PLXDC1: variants seen among roughly 807,000 people sequenced by gnomAD.
PLXDC1 encodes plexin domain containing 1.
PLXDC1 carries 39 observed loss-of-function variants against 61.3 expected under a neutral mutation model. The ratio of observed to expected loss-of-function variants is 0.64; its 90% CI spans 0.49 to 0.83. The LOEUF (loss-of-function observed/expected upper bound fraction) is 0.83. PLXDC1 is among the 40% of genes least tolerant of loss of function. The pLI is 0.00. For missense variants in PLXDC1, 596 were observed against 666.5 expected (o/e 0.89, Z 1.17); for synonymous variants, 212 against 254.5 (o/e 0.83, Z 1.59).
At chr17:39,091,318 C>T (rs938442879) in intron 7 of PLXDC1, among the ~76,000 whole-genome samples, 2 of 118,868 alleles carry the variant, frequency 1.7e-5, no homozygotes, top group African/African-American at 5.8e-5. Flanking sequence ...CCGCAACACA[C>T]ACCCACTGAC....
intron 8 of PLXDC1, among the ~76,000 whole-genome samples, chr17:39,084,176 A>G (rs1252385914): frequency 2.6e-5 from 4 of 152,218 alleles, no homozygotes; most frequent in African/African-American, 7.2e-5. Context: ...CCCACAGTCA[A>G]AGGGTTGAAA....
At chr17:39,095,370 C>A (rs1334382167) in intron 7 of PLXDC1, among the ~76,000 whole-genome samples, 1 of 9,560 alleles carries the variant, frequency 1.0e-4, no homozygotes, top group East Asian at 4.3e-3. Flanking sequence ...ACGCCCCGCC[C>A]CCCCCCCCCA....
upstream of PLXDC1, among the ~76,000 whole-genome samples, chr17:39,151,923 CAG>C: frequency 6.6e-6 from 1 of 152,260 alleles, no homozygotes; most frequent in African/African-American, 2.4e-5. The surrounding 1 kb of genome is among the most constrained non-coding windows in gnomAD (Gnocchi z 5.2). Flanking sequence ...GGGAAAGCTG[CAG>C]AGAGAAGGCC....
intron 1 of PLXDC1, among the ~76,000 whole-genome samples, chr17:39,144,406 G>A (rs1912029708): frequency 1.3e-5 from 2 of 152,208 alleles, no homozygotes; most frequent in Non-Finnish European, 2.9e-5. Context: ...GAGGGATGGA[G>A]AGGGAGCTTG....
At chr17:39,135,503 C>T (rs1219427784) in intron 2 of PLXDC1, among the ~76,000 whole-genome samples, 1 of 152,000 alleles carries the variant, frequency 6.6e-6, no homozygotes, top group Admixed American at 6.6e-5. Flanking sequence ...ATGGTGAAAC[C>T]CCATCTCTAC....
chr17:39,132,325 A>G (rs1212908692), intron 2 of PLXDC1, among the ~76,000 whole-genome samples: 1 of 152,052 alleles, frequency 6.6e-6, no homozygotes, highest in Non-Finnish European at 1.5e-5. Flanking sequence ...TCTCTGACTC[A>G]GCACATCCCA....
At chr17:39,071,115 G>A (rs1025091668) in intron 12 of PLXDC1, among the ~76,000 whole-genome samples, 5 of 152,144 alleles carry the variant, frequency 3.3e-5, no homozygotes, top group Non-Finnish European at 4.4e-5. Context: ...AATACGTCCC[G>A]GGGGAGAGAG....
chr17:39,078,865 C>T (rs1293634320), intron 10 of PLXDC1, among the ~76,000 whole-genome samples: 2 of 152,212 alleles, frequency 1.3e-5, no homozygotes, highest in African/African-American at 4.8e-5. Context: ...TGAGAGCTGC[C>T]CACTTAAGGT....
rs553169680 is a variant in PLXDC1, at chr17:39,073,800, C to T, written c.1187-1315G>A. ...TCTGTTCTGTTGCTTATAAGATAAG[C>T]CCTTCTGCACACAGTTGTTCTGGGT... On this transcript the variant is annotated intron_variant, in intron 11 of 13. Transcript: ENST00000315392. Among the ~76,000 whole-genome samples the T allele has an allele frequency of 1.2e-3, 188 of 152,330 alleles. 2 individuals are homozygous for T. In the Middle Eastern group the frequency reaches 0.034, roughly 28 times the overall value.
chr17:39,135,884 T>C (rs1054892772), intron 2 of PLXDC1, among the ~76,000 whole-genome samples: 2 of 152,176 alleles, frequency 1.3e-5, no homozygotes, highest in East Asian at 1.9e-4. Flanking sequence ...TCTGGCGTTA[T>C]TGAATCCATA....
At chr17:39,152,215 A>C, upstream of PLXDC1, among the ~76,000 whole-genome samples, 2 of 128,208 alleles carry the variant, frequency 1.6e-5, no homozygotes, top group Admixed American at 7.9e-5. Context: ...TTTGCCCCCC[A>C]AGCCTAGCAG....
intron 7 of PLXDC1, among the ~76,000 whole-genome samples, chr17:39,098,524 A>G (rs1287830350): frequency 6.6e-6 from 1 of 152,222 alleles, no homozygotes; most frequent in Non-Finnish European, 1.5e-5. Flanking sequence ...GGGGCCATAG[A>G]GAGCCCCCAA....
intron 2 of PLXDC1, among the ~76,000 whole-genome samples, chr17:39,124,366 G>T (rs1296006124): frequency 1.3e-5 from 2 of 152,236 alleles, no homozygotes; most frequent in Non-Finnish European, 2.9e-5. Flanking sequence ...GCAAAGGAGG[G>T]AGGGTCACTT....
intron 7 of PLXDC1, among the ~76,000 whole-genome samples, chr17:39,091,271 GGCTGCTCAGAGA>G (rs1220390228): frequency 6.6e-6 from 1 of 152,112 alleles, no homozygotes; most frequent in South Asian, 2.1e-4. Context: ...CCCCTCTGAG[GGCTGCTCAGAGA>G]GTACTTATCT....
intron 2 of PLXDC1, among the ~76,000 whole-genome samples, chr17:39,121,767 C>G (rs1911166414): frequency 6.6e-6 from 1 of 152,154 alleles, no homozygotes. Context: ...CTAGGTATGG[C>G]TACATGACTA....
intron 1 of PLXDC1, among the ~76,000 whole-genome samples, chr17:39,142,241 A>G (rs16502): frequency 0.024 from 3,643 of 152,286 alleles, 129 homozygotes; most frequent in African/African-American, 0.075. Context: ...TTTTACTCCT[A>G]TCACTACCTA....
intron 1 of PLXDC1, among the ~76,000 whole-genome samples, chr17:39,145,127 C>A (rs963475140): frequency 6.6e-6 from 1 of 152,156 alleles, no homozygotes; most frequent in Non-Finnish European, 1.5e-5. Flanking sequence ...AAGTGACCGA[C>A]AATCCCCACT....
chr17:39,106,094 C>A lies in PLXDC1; in HGVS notation c.712-141G>T, dbSNP rs945819449. On this transcript the variant is annotated intron_variant, in intron 6 of 13. Transcript: ENST00000315392. Reference sequence around the variant, plus strand: ...AAGACATTGGAAGCCCAGTGGGACCCCACCCAAATTCCAAGTCCTCTCCAC... The same window carrying A: ...AAGACATTGGAAGCCCAGTGGGACCACACCCAAATTCCAAGTCCTCTCCAC... The A allele has an allele frequency of 1.4e-5, 8 of 568,850 alleles. No homozygotes were observed. In the African/African-American group the frequency reaches 1.5e-4, roughly 11 times the overall value. 35.2% of individuals were successfully genotyped at this position (568,850 alleles called of 1,614,324 possible). A position where few individuals can be genotyped will look rare whatever the true frequency, so the allele number is the denominator to read the frequency against.
At chr17:39,147,655 A>C (rs2045351065) in intron 1 of PLXDC1, among the ~76,000 whole-genome samples, 1 of 145,968 alleles carries the variant, frequency 6.9e-6, no homozygotes, top group South Asian at 2.5e-4. Context: ...CAGGTAGCAG[A>C]AGGGAAGAGG....
Sources: gnomAD v4.1 joint callset for allele counts (sites outside exome capture counted in the v4.1 genomes callset) on GRCh38, gnomAD v4.1.1 for gene constraint, Gnocchi (gnomAD v3.1) non-coding constraint, MANE v1.5 for transcripts, NCBI Gene and HGNC (gene_info 2026-07-23, HGNC 2026-07-21) for gene names.